Variants in PMS1 observed in about 807,000 individuals in gnomAD.
PMS1 encodes PMS1 protein homolog 1.
Under a neutral mutation model 93.1 loss-of-function variants are expected in PMS1, and 79 were observed. The ratio of observed to expected loss-of-function variants is 0.85; its 90% CI spans 0.71 to 1.02. The LOEUF (loss-of-function observed/expected upper bound fraction) is 1.02, where lower values mean the gene tolerates loss of function less well. Ranked by LOEUF, PMS1 falls within the 50% of genes least tolerant of loss-of-function variation. The probability of loss-of-function intolerance (pLI) is 0.00; values close to 1 mark genes in which losing one functional copy is unlikely to be tolerated. For missense variants in PMS1, 1,064 were observed against 1,085.3 expected, an observed-to-expected ratio of 0.98 and a Z score of 0.28; for synonymous variants, 335 against 363.4, an observed-to-expected ratio of 0.92 and a Z score of 0.89.
intron 12 of PMS1, among the ~76,000 whole-genome samples, chr2:189,876,202 G>A (rs925870844): frequency 6.6e-6 from 1 of 152,142 alleles, no homozygotes; most frequent in Non-Finnish European, 1.5e-5. Flanking sequence ...AAGAGTAGAA[G>A]TTACCTGCTG....
At chr2:189,795,052 C>G (rs5742978) in intron 2 of PMS1, among the ~76,000 whole-genome samples, 1 of 152,150 alleles carries the variant, frequency 6.6e-6, no homozygotes, top group African/African-American at 2.4e-5. Context: ...GAGCTGTGAT[C>G]ATGCCACTGT....
rs972273400 is a variant in PMS1 at position 189,852,938 on chromosome 2, T to A, written c.822+161T>A. 5.3e-5 allele frequency among the ~76,000 whole-genome samples: 8 copies of A among 152,254 alleles called. No homozygotes were observed. In the East Asian group the frequency reaches 7.7e-4, roughly 15 times the overall value. On this transcript the variant is annotated intron_variant, in intron 7 of 12. Transcript: ENST00000441310. ...AAGACATATGATGTCTCTCTTATTC[T>A]TCCTGGCAATTCTGGACTGCATTAT...
chr2:189,810,681 G>A (rs192671900), intron 4 of PMS1, among the ~76,000 whole-genome samples: 37 of 152,288 alleles, frequency 2.4e-4, no homozygotes, highest in Admixed American at 2.1e-3. Flanking sequence ...GCTAGAGAAA[G>A]AGACCTGATT....
intron 6 of PMS1, among the ~76,000 whole-genome samples, chr2:189,846,124 AC>A (rs1445331645): frequency 1.3e-5 from 2 of 152,122 alleles, no homozygotes; most frequent in African/African-American, 4.8e-5. Flanking sequence ...GGTGGGTCAC[AC>A]CTGTCTCAAC....
At chr2:189,790,654 T>A (rs1375229310) in intron 1 of PMS1, among the ~76,000 whole-genome samples, 1 of 152,258 alleles carries the variant, frequency 6.6e-6, no homozygotes, top group African/African-American at 2.4e-5. Flanking sequence ...GCGGTTTAAA[T>A]GCAATCCTAT....
At chr2:189,873,367 C>T (rs1334735301) in intron 11 of PMS1, 129 bp from the exon 12 acceptor site, 1 of 652,118 alleles carries the variant, frequency 1.5e-6, no homozygotes, top group African/African-American at 1.8e-5. Context: ...AACTAAGGAA[C>T]AAAACTTTGT....
chr2:189,865,611 G>A (rs1335038146), intron 10 of PMS1, among the ~76,000 whole-genome samples: 3 of 151,974 alleles, frequency 2.0e-5, no homozygotes, highest in Non-Finnish European at 2.9e-5. Flanking sequence ...GTAATATAGG[G>A]TATTTCCTTT....
At chr2:189,830,861 A>G (rs964121691) in intron 5 of PMS1, among the ~76,000 whole-genome samples, 10 of 152,212 alleles carry the variant, frequency 6.6e-5, no homozygotes, top group Non-Finnish European at 1.3e-4. Flanking sequence ...ATAGCAAAAC[A>G]GCAAGTATTA....
At chr2:189,849,135 G>C (rs913710295) in intron 6 of PMS1, among the ~76,000 whole-genome samples, 4 of 152,078 alleles carry the variant, frequency 2.6e-5, no homozygotes, top group South Asian at 4.1e-4. Flanking sequence ...ACCCCACATG[G>C]GAAGAACTAA....
chr2:189,854,869 T>TATC lies in PMS1; in HGVS notation c.1598_1600dup (p.Tyr533_Pro534insHis), dbSNP rs1255445057. ...ACCATGTAAAGTAAGTAATAATAAT[T>TATC]ATCCAATCCCTGAACAAATGAATCT... On this transcript the variant is annotated inframe_insertion, in exon 9 of 13. Transcript: ENST00000441310. The TATC allele has an allele frequency of 1.2e-6, 2 of 1,608,956 alleles. No individual in the cohort carries two copies. Among genetic ancestry groups the TATC allele is most frequent in the African/African-American group, 2.7e-5 (2 of 74,732 alleles).
At chr2:189,867,203 G>A (rs909679543) in intron 10 of PMS1, among the ~76,000 whole-genome samples, 1 of 152,104 alleles carries the variant, frequency 6.6e-6, no homozygotes, top group Non-Finnish European at 1.5e-5. Flanking sequence ...AACGCGTCCT[G>A]ACCAAGCCTA....
chr2:189,852,864 TAAAA>T (rs892268224), intron 7 of PMS1, 87 bp downstream of exon 7: 5 of 831,372 alleles, frequency 6.0e-6, no homozygotes, highest in Non-Finnish European at 1.0e-5. Context: ...TGCTCTAAAA[TAAAA>T]AAAAAGAAAT....
intron 7 of PMS1, 137 bp from the exon 8 acceptor site, chr2:189,853,802 C>G (rs2055037481): frequency 3.6e-6 from 2 of 559,774 alleles, no homozygotes; most frequent in East Asian, 6.3e-5. Context: ...CAGGCATGAG[C>G]CACTGTGCCG....
intron 5 of PMS1, among the ~76,000 whole-genome samples, chr2:189,842,805 G>A (rs2053923237): frequency 1.3e-5 from 2 of 152,048 alleles, no homozygotes; most frequent in African/African-American, 4.8e-5. Flanking sequence ...ATGGATTATG[G>A]TGTCTGGTGT....
At chr2:189,837,648 T>TG (rs1228185701) in intron 5 of PMS1, among the ~76,000 whole-genome samples, 1 of 152,192 alleles carries the variant, frequency 6.6e-6, no homozygotes, top group Non-Finnish European at 1.5e-5. Context: ...TCAAAAAACA[T>TG]GGAGCTACCA....
chr2:189,799,415 GA>G (rs2049674807), intron 3 of PMS1, among the ~76,000 whole-genome samples: 1 of 152,080 alleles, frequency 6.6e-6, no homozygotes, highest in East Asian at 1.9e-4. Context: ...ACCATTATCA[GA>G]ACCCCAGAAG....
chr2:189,865,817 A>C (rs1463822260), intron 10 of PMS1, among the ~76,000 whole-genome samples: 1 of 152,202 alleles, frequency 6.6e-6, no homozygotes, highest in Non-Finnish European at 1.5e-5. Context: ...AAAAACCTGA[A>C]GTTTAAAAAG....
At chr2:189,875,458 T>G (rs1559340550) in intron 12 of PMS1, among the ~76,000 whole-genome samples, 2 of 152,118 alleles carry the variant, frequency 1.3e-5, no homozygotes, top group African/African-American at 4.8e-5. Flanking sequence ...CGGAAAAACA[T>G]CCATGTATAA....
chr2:189,812,341 C>T (rs1294529714), intron 4 of PMS1, among the ~76,000 whole-genome samples: 1 of 152,082 alleles, frequency 6.6e-6, no homozygotes, highest in Non-Finnish European at 1.5e-5. Context: ...ATTTAGACTT[C>T]TATAACCAGT....
Sources: gnomAD v4.1 joint callset for allele counts (sites outside exome capture counted in the v4.1 genomes callset) on GRCh38, gnomAD v4.1.1 for gene constraint, MANE v1.5 for transcripts, NCBI Gene and HGNC (gene_info 2026-07-23, HGNC 2026-07-21) for gene names.